The following ZNF568 variants were observed in gnomAD, a reference collection of about 807,000 sequenced individuals.
ZNF568 encodes p53 inhibitor of SCO2 activation.
In ZNF568, 11 loss-of-function variants were observed where a neutral mutation model predicts 18.1. That is an observed-to-expected ratio of 0.61 (90% CI 0.38 to 1.00). The LOEUF (loss-of-function observed/expected upper bound fraction) is 1.00, where lower values mean the gene tolerates loss of function less well. ZNF568 is among the 50% of genes least tolerant of loss of function. The probability of loss-of-function intolerance (pLI) is 0.01; values close to 1 mark genes in which losing one functional copy is unlikely to be tolerated. For missense variants in ZNF568, 639 were observed against 768.2 expected (o/e 0.83, Z 1.99); for synonymous variants, 213 against 246.6 (o/e 0.86, Z 1.28).
intron 7 of ZNF568, among the ~76,000 whole-genome samples, chr19:36,976,824 C>T (rs1667340): frequency 0.36 from 54,640 of 151,810 alleles, 10,108 homozygotes; most frequent in African/African-American, 0.42. Flanking sequence ...GCAGGAGAAT[C>T]GGCTGAACCT....
chr19:36,946,723 G>T (rs1480307024), intron 6 of ZNF568, among the ~76,000 whole-genome samples: 1 of 144,054 alleles, frequency 6.9e-6, no homozygotes, highest in Non-Finnish European at 1.5e-5. Flanking sequence ...TGCAATCTCG[G>T]CTCACCACAA....
chr19:36,942,139 C>T (rs1053217458), intron 6 of ZNF568, among the ~76,000 whole-genome samples: 3 of 151,696 alleles, frequency 2.0e-5, no homozygotes, highest in Non-Finnish European at 2.9e-5. Flanking sequence ...TACACCACCA[C>T]GCCCGGCTAA....
chr19:36,955,080 C>T (rs1045766165), downstream of ZNF568, among the ~76,000 whole-genome samples: 4 of 151,780 alleles, frequency 2.6e-5, no homozygotes, highest in East Asian at 1.9e-4. Context: ...GGTTTCACTA[C>T]GTAGGTCAAG....
rs2073940126 is a variant in ZNF568, at chr19:36,945,062, A to G, written c.359-4450A>G. Among the ~76,000 whole-genome samples, 5 of 151,914 alleles carry G rather than the reference A, an allele frequency of 3.3e-5. No individual in the cohort carries two copies. The South Asian group carries it at 1.0e-3, about 32-fold the overall frequency. On this transcript the variant is annotated intron_variant, in intron 6 of 6. Transcript: ENST00000333987. ...TTATTTTTTCATATGTAAAATATGT[A>G]CATGATTTTATTGTCAGAACTCTAA...
Position 36,963,913 on chromosome 19 carries a change from G to A in ZNF568, c.359-10507G>A, listed in dbSNP as rs1210096027. ...ACCTGGGAGGTGGAGGTTGCAGTGA[G>A]CCGAGATTGTGCCACTGCACTCCAG... On this transcript the variant is annotated intron_variant, in intron 6 of 7. Transcript: ENST00000427117. Among the ~76,000 whole-genome samples, 4 of 147,952 alleles carry A rather than the reference G, an allele frequency of 2.7e-5. No individual in the cohort carries two copies. The Admixed American group carries it at 2.8e-4, about 10-fold the overall frequency.
At chr19:36,985,526 T>G (rs1433399522) in intron 2 of ZNF568, among the ~76,000 whole-genome samples, 4 of 151,998 alleles carry the variant, frequency 2.6e-5, no homozygotes, top group Non-Finnish European at 1.5e-5. Flanking sequence ...TTTTGTTTTG[T>G]TTTGTTTTGT....
At chr19:36,990,749 T>C (rs1397964106) in intron 2 of ZNF568, among the ~76,000 whole-genome samples, 1 of 152,126 alleles carries the variant, frequency 6.6e-6, no homozygotes, top group African/African-American at 2.4e-5. Context: ...GCCAGTAAAA[T>C]TGCTGTCTAT....
exon 7 of ZNF568, chr19:36,974,463 G>A (rs932866401): frequency 6.5e-7 from 1 of 1,535,996 alleles, no homozygotes; most frequent in Non-Finnish European, 8.7e-7. Flanking sequence ...AAGTGATGGC[G>A]GAGGTAAGTT....
At chr19:36,984,092 G>C (rs899770090), downstream of ZNF568, among the ~76,000 whole-genome samples, 1 of 151,586 alleles carries the variant, frequency 6.6e-6, no homozygotes, top group Non-Finnish European at 1.5e-5. Flanking sequence ...GTAGAGAGGG[G>C]GTTTCACCGT....
chr19:36,940,706 A>G (rs142701907), intron 6 of ZNF568, among the ~76,000 whole-genome samples: 7 of 152,356 alleles, frequency 4.6e-5, no homozygotes, highest in African/African-American at 1.4e-4. Flanking sequence ...AGTAAACCAG[A>G]CAACACCTAG....
chr19:36,955,581 G>GA (rs1324335680), downstream of ZNF568, among the ~76,000 whole-genome samples: 4 of 152,090 alleles, frequency 2.6e-5, no homozygotes, highest in Admixed American at 1.3e-4. Context: ...GACAGACTTT[G>GA]AAAAAAATCA....
At chr19:36,934,633 A>C (rs976415481) in intron 4 of ZNF568, among the ~76,000 whole-genome samples, 2 of 152,110 alleles carry the variant, frequency 1.3e-5, no homozygotes, top group African/African-American at 4.8e-5. Flanking sequence ...TTTAAGGTAG[A>C]AAGTTAGTTT....
Position 36,951,231 on chromosome 19 carries a change from T to C in ZNF568, c.*143T>C, listed in dbSNP as rs1568395157. ...GGAATAAATGGAAAGAAATACCATATACATAGATGGAAAAACCCAGTATTA... is the reference window on the plus strand; with the variant it reads ...GGAATAAATGGAAAGAAATACCATACACATAGATGGAAAAACCCAGTATTA... On this transcript the variant is annotated 3_prime_UTR_variant, in exon 7 of 7. Coordinates refer to ENST00000333987, the MANE Select transcript of ZNF568 (RefSeq NM_198539.4). The C allele has an allele frequency of 8.2e-6, 6 of 732,810 alleles. No individual in the cohort carries two copies. Among genetic ancestry groups the C allele is most frequent in the Non-Finnish European group, 9.7e-6 (5 of 514,374 alleles). The allele number at this position is 732,810 out of a possible 1,614,324, so 45.4% of individuals were successfully genotyped here.
At chr19:36,986,628 T>A (rs977725372) in intron 2 of ZNF568, among the ~76,000 whole-genome samples, 2 of 152,034 alleles carry the variant, frequency 1.3e-5, no homozygotes, top group Non-Finnish European at 2.9e-5. Flanking sequence ...TTTCTTTTTT[T>A]CCCCCCTCCG....
intron 6 of ZNF568, among the ~76,000 whole-genome samples, chr19:36,965,995 C>T (rs1447306903): frequency 6.6e-6 from 1 of 151,032 alleles, no homozygotes; most frequent in African/African-American, 2.4e-5. Flanking sequence ...CCATAGCACC[C>T]AGCCTGATTA....
At chr19:36,996,377 G>T (rs989056198) in exon 5 of ZNF568, 1 of 1,535,532 alleles carries the variant, frequency 6.5e-7, no homozygotes, top group African/African-American at 1.4e-5. Context: ...TATGAAATTA[G>T]ATCACCACAA....
intron 2 of ZNF568, among the ~76,000 whole-genome samples, chr19:36,989,743 C>T (rs755973559): frequency 6.6e-6 from 1 of 152,004 alleles, no homozygotes; most frequent in East Asian, 1.9e-4. Flanking sequence ...TTTGTAGAAA[C>T]GGGATCTCAC....
Position 36,951,829 on chromosome 19 carries a change from A to AG in ZNF568, c.*741_*742insG. 6.8e-6 allele frequency: 3 copies of AG among 439,824 alleles called. No individual in the cohort carries two copies. The highest frequency in any genetic ancestry group is 9.0e-6 in the Non-Finnish European group (3 of 332,110). 27.2% of individuals were successfully genotyped at this position (439,824 alleles called of 1,614,324 possible). On this transcript the variant is annotated 3_prime_UTR_variant, in exon 7 of 7. Transcript: ENST00000333987. ...TTTTTAGTAGAGACGGGGTTTCACC[A>AG]TGTTGGCCAGGGTAGTCTTGAACTC...
chr19:36,993,850 C>A (rs897562669), intron 4 of ZNF568, among the ~76,000 whole-genome samples: 1 of 152,012 alleles, frequency 6.6e-6, no homozygotes, highest in Non-Finnish European at 1.5e-5. Context: ...CAAAGACCAA[C>A]TTTTGGTCTC....
Sources: allele counts gnomAD v4.1 joint callset (sites outside exome capture counted in the v4.1 genomes callset), GRCh38; gene constraint gnomAD v4.1.1; transcripts MANE v1.5; gene names NCBI Gene and HGNC (gene_info 2026-07-23, HGNC 2026-07-21).